BCKDHB: variants seen among roughly 807,000 people sequenced by gnomAD.
The protein encoded by BCKDHB is 2-oxoisovalerate dehydrogenase subunit beta, mitochondrial.
A neutral mutation model predicts 48.5 loss-of-function variants in BCKDHB; 41 were observed. The ratio of observed to expected loss-of-function variants is 0.85; its 90% CI spans 0.66 to 1.10. The LOEUF (loss-of-function observed/expected upper bound fraction) is 1.10, where lower values mean the gene tolerates loss of function less well. Ranked by LOEUF, BCKDHB falls within the 50% of genes least tolerant of loss-of-function variation. The pLI is 0.00. For synonymous variants in BCKDHB, 201 were observed against 174.8 expected (o/e 1.15, Z -1.18); for missense variants, 496 against 494.2 (o/e 1.00, Z -0.03).
At chr6:80,262,930 TG>T (rs1308349338) in intron 8 of BCKDHB, among the ~76,000 whole-genome samples, 1 of 152,188 alleles carries the variant, frequency 6.6e-6, no homozygotes, top group Non-Finnish European at 1.5e-5. Context: ...ATGAAAGCAT[TG>T]CAGAATAAAG....
At chr6:80,162,562 C>G (rs1296568602) in intron 3 of BCKDHB, among the ~76,000 whole-genome samples, 3 of 152,168 alleles carry the variant, frequency 2.0e-5, no homozygotes, top group African/African-American at 7.2e-5. Context: ...ATCTTAAAAA[C>G]CTGTCTTGCT....
the BCKDHB span, among the ~76,000 whole-genome samples, chr6:80,447,578 G>C: frequency 6.6e-6 from 1 of 151,884 alleles, no homozygotes; most frequent in Non-Finnish European, 1.5e-5. Flanking sequence ...TATTCATCAT[G>C]TCCCTAAATT....
chr6:80,202,332 T>G (rs1034473993), intron 7 of BCKDHB, among the ~76,000 whole-genome samples: 1 of 152,142 alleles, frequency 6.6e-6, no homozygotes, highest in African/African-American at 2.4e-5. Context: ...AGTTTTCCAT[T>G]TCTTGTTGCT....
At chr6:80,421,685 G>A in the BCKDHB span, among the ~76,000 whole-genome samples, 7 of 152,172 alleles carry the variant, frequency 4.6e-5, no homozygotes, top group Non-Finnish European at 8.8e-5. Flanking sequence ...AGAGACTGGT[G>A]GCATTTTGCT....
the BCKDHB span, among the ~76,000 whole-genome samples, chr6:80,442,757 A>G: frequency 6.6e-6 from 1 of 152,176 alleles, no homozygotes; most frequent in Admixed American, 6.5e-5. Context: ...AAAATATGGA[A>G]TTCCAAGAAC....
the BCKDHB span, among the ~76,000 whole-genome samples, chr6:80,392,186 G>A: frequency 2.0e-5 from 3 of 151,974 alleles, no homozygotes; most frequent in Admixed American, 6.6e-5. Context: ...TAGAGGCAGG[G>A]CTCCACTATG....
At chr6:80,440,019 A>T in the BCKDHB span, among the ~76,000 whole-genome samples, 2 of 152,234 alleles carry the variant, frequency 1.3e-5, no homozygotes, top group Non-Finnish European at 2.9e-5. Flanking sequence ...TGGCCATGTG[A>T]AAAGGACACT....
chr6:80,329,481 A>T (rs993660556), intron 9 of BCKDHB, among the ~76,000 whole-genome samples: 2 of 152,166 alleles, frequency 1.3e-5, no homozygotes, highest in Non-Finnish European at 2.9e-5. Context: ...TCTATAAAAT[A>T]TAGCCATGTA....
the BCKDHB span, among the ~76,000 whole-genome samples, chr6:80,425,886 G>T: frequency 6.6e-6 from 1 of 152,214 alleles, no homozygotes; most frequent in Non-Finnish European, 1.5e-5. Flanking sequence ...CACAGAGGCT[G>T]AGGGTAATAT....
chr6:80,302,866 A>G (rs1403329341), intron 9 of BCKDHB, among the ~76,000 whole-genome samples: 2 of 152,300 alleles, frequency 1.3e-5, no homozygotes, highest in East Asian at 1.9e-4. Context: ...CTGTAAAACA[A>G]ACATTGCAAT....
intron 8 of BCKDHB, among the ~76,000 whole-genome samples, chr6:80,232,823 T>C (rs1775989920): frequency 6.6e-6 from 1 of 151,422 alleles, no homozygotes; most frequent in Non-Finnish European, 1.5e-5. Flanking sequence ...GTTTGTGCGT[T>C]CTCTTTCTTT....
intron 9 of BCKDHB, among the ~76,000 whole-genome samples, chr6:80,294,891 CT>C (rs1767142517): frequency 6.6e-6 from 1 of 151,898 alleles, no homozygotes; most frequent in African/African-American, 2.4e-5. Flanking sequence ...AGTGGTTCTG[CT>C]TTTTCCTTTT....
the BCKDHB span, among the ~76,000 whole-genome samples, chr6:80,428,303 G>A: frequency 6.6e-6 from 1 of 152,072 alleles, no homozygotes; most frequent in Non-Finnish European, 1.5e-5. Context: ...TCCAAGTCTT[G>A]CTATTCTGAA....
intron 9 of BCKDHB, among the ~76,000 whole-genome samples, chr6:80,284,950 C>G (rs1766558083): frequency 6.6e-6 from 1 of 152,126 alleles, no homozygotes; most frequent in Non-Finnish European, 1.5e-5. Context: ...AATGTTTTCT[C>G]TGAGATGGCT....
At chr6:80,404,976 G>C in the BCKDHB span, among the ~76,000 whole-genome samples, 1 of 152,034 alleles carries the variant, frequency 6.6e-6, no homozygotes, top group Non-Finnish European at 1.5e-5. Context: ...CTATTCCAGA[G>C]AATATTCCAT....
chr6:80,317,452 T>G (rs1411969704), intron 9 of BCKDHB, among the ~76,000 whole-genome samples: 1 of 152,200 alleles, frequency 6.6e-6, no homozygotes, highest in East Asian at 1.9e-4. Flanking sequence ...TGGCTCTTCT[T>G]CTGTCTTCAA....
intron 9 of BCKDHB, among the ~76,000 whole-genome samples, chr6:80,320,331 C>A (rs1173499556): frequency 6.6e-6 from 1 of 152,090 alleles, no homozygotes; most frequent in East Asian, 1.9e-4. Context: ...ATAATATGTT[C>A]TTTCTTCTAC....
intron 6 of BCKDHB, among the ~76,000 whole-genome samples, chr6:80,195,221 G>C (rs6910201): frequency 0.36 from 55,116 of 151,650 alleles, 11,936 homozygotes; most frequent in East Asian, 0.56. Context: ...TCTTGATTTA[G>C]TCTTTCTAAT....
chr6:80,328,508 A>G (rs1317047517), intron 9 of BCKDHB, among the ~76,000 whole-genome samples: 2 of 152,200 alleles, frequency 1.3e-5, no homozygotes, highest in African/African-American at 2.4e-5. Context: ...TCACAACATA[A>G]AAAGTTAGCT....
Sources: gnomAD v4.1 joint callset for allele counts (sites outside exome capture counted in the v4.1 genomes callset) on GRCh38, gnomAD v4.1.1 for gene constraint, MANE v1.5 for transcripts, NCBI Gene and HGNC (gene_info 2026-07-23, HGNC 2026-07-21) for gene names.